NELFA: variants seen among roughly 807,000 people sequenced by gnomAD.
NELFA encodes negative elongation factor complex member A.
Under a neutral mutation model 51.8 loss-of-function variants are expected in NELFA, and 35 were observed. The observed-to-expected ratio is 0.68, with a 90% CI of 0.52 to 0.90. The LOEUF (loss-of-function observed/expected upper bound fraction) is 0.90. NELFA is among the 40% of genes least tolerant of loss of function. The pLI, the probability that NELFA is intolerant of heterozygous loss-of-function variation, is 0.00. For synonymous variants in NELFA, 417 were observed against 338.4 expected, an observed-to-expected ratio of 1.23 and a Z score of -2.55; for missense variants, 658 against 746.4, an observed-to-expected ratio of 0.88 and a Z score of 1.38.
chr4:1,991,500 T>G, intron 2 of NELFA, 44 bp downstream of exon 2: 1 of 1,590,404 alleles, frequency 6.3e-7, no homozygotes, highest in East Asian at 2.2e-5. Context: ...TCAAGAAAGA[T>G]CCATTTCCCT....
At chr4:2,005,379 T>C (rs945558797) in intron 1 of NELFA, among the ~76,000 whole-genome samples, 1 of 151,844 alleles carries the variant, frequency 6.6e-6, no homozygotes, top group Non-Finnish European at 1.5e-5. Context: ...AAGGAGATTC[T>C]ATAGAAAAAA....
chr4:1,984,958 A>G lies in NELFA; in HGVS notation c.925-39T>C, dbSNP rs1009337699. On this transcript the variant is annotated intron_variant, in intron 7 of 10. Coordinates refer to ENST00000382882, the MANE Select transcript of NELFA (RefSeq NM_005663.5). The stretch of plus-strand genomic sequence containing the variant: ...TTTAAGGTTCCTTCCAGAAGAGGCC[A>G]TGCTTCCGGCATGTGCTAACACATG... 11 of 1,455,690 alleles carry G rather than the reference A, an allele frequency of 7.6e-6. No homozygotes were observed. The Admixed American group carries it at 2.2e-4, about 29-fold the overall frequency. 90.2% of individuals were successfully genotyped at this position (1,455,690 alleles called of 1,614,324 possible). A position where few individuals can be genotyped will look rare whatever the true frequency, so the allele number is the denominator to read the frequency against.
Position 1,983,699 on chromosome 4 carries a change from C to T in NELFA, c.1303-4G>A. 1.2e-6 allele frequency: 2 copies of T among 1,613,864 alleles called. No homozygotes were observed. Among genetic ancestry groups the T allele is most frequent in the Non-Finnish European group, 1.7e-6 (2 of 1,179,918 alleles). ...GGGCAGCGAACATCTGCTCTCTCTACAGCGGGGAGAGGGGTGTGGGTGCCA... is the reference window on the plus strand; with the variant it reads ...GGGCAGCGAACATCTGCTCTCTCTATAGCGGGGAGAGGGGTGTGGGTGCCA... On this transcript the variant is annotated splice_polypyrimidine_tract_variant and splice_region_variant and intron_variant, in intron 9 of 10. Transcript: ENST00000382882.
chr4:1,985,723 C>T lies in NELFA; in HGVS notation c.924+53G>A, dbSNP rs961881281. The T allele has an allele frequency of 3.4e-6, 5 of 1,483,550 alleles. No homozygotes were observed. In the South Asian group the frequency reaches 5.7e-5, roughly 17 times the overall value. 91.9% of individuals were successfully genotyped at this position (1,483,550 alleles called of 1,614,324 possible). On this transcript the variant is annotated intron_variant, in intron 7 of 10. Transcript: ENST00000382882. ...AGCACACTAGTGGCCACAATCGGAA[C>T]AAAAGGGGCACCCGCAGTGGTGCCA...
intron 1 of NELFA, chr4:1,992,061 G>A (rs1728286967): frequency 8.5e-6 from 2 of 234,404 alleles, no homozygotes; most frequent in Non-Finnish European, 8.4e-6. Context: ...CACTGCTCCC[G>A]CAGAAAGCCT....
At chr4:1,984,960 GC>G in intron 7 of NELFA, 41 bp from the exon 8 acceptor site, 8 of 1,444,548 alleles carry the variant, frequency 5.5e-6, no homozygotes, top group Non-Finnish European at 7.6e-6. Context: ...AAGAGGCCAT[GC>G]TTCCGGCATG....
intron 4 of NELFA, 168 bp downstream of exon 4, chr4:1,987,750 A>T (rs1728149706): frequency 3.4e-6 from 2 of 586,074 alleles, no homozygotes; most frequent in Non-Finnish European, 5.9e-6. Flanking sequence ...CCCCAAGGGG[A>T]GAAGCCGGTG....
Position 1,983,077 on chromosome 4 carries a change from T to TGTAAC in NELFA, c.*237_*241dup. ...TTAATTTACTTACTACATTCAAAAA[T>TGTAAC]GTAACGTTGAGTCCAAAAAGTGTCT... On this transcript the variant is annotated 3_prime_UTR_variant, in exon 11 of 11. Transcript: ENST00000382882. 2.4e-6 allele frequency: 1 copy of TGTAAC among 414,338 alleles called. No individual in the cohort carries two copies. Among genetic ancestry groups the TGTAAC allele is most frequent in the East Asian group, 3.8e-5 (1 of 26,626 alleles). 25.7% of individuals were successfully genotyped at this position (414,338 alleles called of 1,614,324 possible). A position where few individuals can be genotyped will look rare whatever the true frequency, so the allele number is the denominator to read the frequency against.
At position 1,985,842 on chromosome 4, in the gene NELFA, C is replaced by G; in HGVS notation, c.858G>C (p.Pro286=). The G allele has an allele frequency of 1.2e-6, 2 of 1,613,198 alleles. No homozygotes were observed. The highest frequency in any genetic ancestry group is 1.7e-6 in the Non-Finnish European group (2 of 1,179,714). Residue 286 remains proline, a synonymous_variant, in exon 7 of 11, where the codon CCG becomes CCC. Transcript: ENST00000382882. ...TCTCCACCACCGTTTCCTCCTTGGCCGGCTTCTCCACCACCTCCGCATCTG... is the reference window on the plus strand; with the variant it reads ...TCTCCACCACCGTTTCCTCCTTGGCGGGCTTCTCCACCACCTCCGCATCTG... ...KTLDAEVVEK[P]AKEETVVENA...
At chr4:1,990,714 G>A (rs182389698) in intron 2 of NELFA, among the ~76,000 whole-genome samples, 11 of 152,388 alleles carry the variant, frequency 7.2e-5, no homozygotes, top group Admixed American at 6.5e-4. Context: ...TGAGGAGCCA[G>A]TTCCAATTGT....
At chr4:2,008,287 G>C (rs1323315421) in intron 1 of NELFA, among the ~76,000 whole-genome samples, 1 of 151,982 alleles carries the variant, frequency 6.6e-6, no homozygotes, top group Non-Finnish European at 1.5e-5. Flanking sequence ...AGGCGGGGGA[G>C]GCGGGGGCGG....
At position 1,983,360 on chromosome 4, in the gene NELFA, T is replaced by C; in HGVS notation, c.1546A>G (p.Thr516Ala). Residue 516 changes from threonine (T) to alanine (A), a missense_variant, in exon 11 of 11, where the codon ACG becomes GCG. By Grantham distance (58) the Thr-to-Ala change is moderately conservative (BLOSUM62 0). Coordinates refer to ENST00000382882, the MANE Select transcript of NELFA (RefSeq NM_005663.5). Reference sequence around the variant, plus strand: ...ATGGGCTTGTACTTCTTGAAGCGCGTCCACTGGCCCGTGGCATAGTTCATC... The same window carrying C: ...ATGGGCTTGTACTTCTTGAAGCGCGCCCACTGGCCCGTGGCATAGTTCATC... Reference protein sequence around the residue: ...FEMNYATGQWTRFKKYKPMTN... With the variant: ...FEMNYATGQWARFKKYKPMTN... 6.2e-7 allele frequency: 1 copy of C among 1,614,172 alleles called. No individual in the cohort carries two copies. The highest frequency in any genetic ancestry group is 8.5e-7 in the Non-Finnish European group (1 of 1,180,024).
intron 1 of NELFA, chr4:2,007,113 G>A (rs1377263116): frequency 2.3e-6 from 1 of 428,890 alleles, no homozygotes; most frequent in Admixed American, 2.5e-5. Context: ...AGGAGGCTGA[G>A]ATGGGAAGAT....
At chr4:2,007,515 G>A (rs1728740414) in intron 1 of NELFA, among the ~76,000 whole-genome samples, 1 of 152,152 alleles carries the variant, frequency 6.6e-6, no homozygotes, top group Admixed American at 6.6e-5. Flanking sequence ...ACACATGCAC[G>A]CCACACACAA....
chr4:2,004,030 G>A (rs1349933756), intron 1 of NELFA: 2 of 151,890 alleles, frequency 1.3e-5, no homozygotes, highest in South Asian at 2.1e-4. Context: ...ATGGTGGCGC[G>A]TGTCTCTAGT....
chr4:1,994,363 G>A (rs896030359), intron 1 of NELFA, among the ~76,000 whole-genome samples: 1 of 152,142 alleles, frequency 6.6e-6, no homozygotes, highest in Non-Finnish European at 1.5e-5. Flanking sequence ...TCAGGAGTTC[G>A]AGATCAGCCT....
Position 1,985,818 on chromosome 4 carries a change from C to T in NELFA, c.882G>A (p.Glu294=), listed in dbSNP as rs370058683. The T allele has an allele frequency of 1.2e-5, 20 of 1,613,292 alleles. No homozygotes were observed. The highest frequency in any genetic ancestry group is 1.5e-5 in the Non-Finnish European group (18 of 1,179,810). ...CGGCTGCGTAGTCCGGGGTGGCGTT[C>T]TCCACCACCGTTTCCTCCTTGGCCG... ...EKPAKEETVV[E]NATPDYAAGL... is the part of the protein sequence containing the mutation. Residue 294 remains glutamate (E), a synonymous_variant, in exon 7 of 11, where the codon GAG becomes GAA. Coordinates refer to ENST00000382882, the MANE Select transcript of NELFA (RefSeq NM_005663.5).
intron 1 of NELFA, among the ~76,000 whole-genome samples, chr4:1,995,243 C>CT (rs1338373822): frequency 6.6e-6 from 1 of 152,218 alleles, no homozygotes; most frequent in Non-Finnish European, 1.5e-5. Context: ...GGTCTTGAGT[C>CT]TCAGGGCTTA....
Position 1,984,109 on chromosome 4 carries a change from TG to T in NELFA, c.1040del (p.Pro347HisfsTer35). Reference sequence around the variant, plus strand: ...GTGGGCGGCTGGCTTCCCGGGAAGATGGGGCTGCAAGTAGACCGGGGCCTGG... The same window carrying T: ...GTGGGCGGCTGGCTTCCCGGGAAGATGGGCTGCAAGTAGACCGGGGCCTGG... ...YIPSSETPPA[P>X]SSREASRPPE... On this transcript the variant is annotated frameshift_variant, in exon 9 of 11. Coordinates refer to ENST00000382882, the MANE Select transcript of NELFA (RefSeq NM_005663.5). LOFTEE classifies it high-confidence loss of function. 1 of 1,563,368 alleles carries T rather than the reference TG, an allele frequency of 6.4e-7. No individual in the cohort carries two copies. Among genetic ancestry groups the T allele is most frequent in the Non-Finnish European group, 8.6e-7 (1 of 1,161,812 alleles).
Sources: allele counts gnomAD v4.1 joint callset (sites outside exome capture counted in the v4.1 genomes callset), GRCh38; gene constraint gnomAD v4.1.1; transcripts MANE v1.5; gene names NCBI Gene and HGNC (gene_info 2026-07-23, HGNC 2026-07-21).